CHST9: variants seen among roughly 807,000 people sequenced by gnomAD.
CHST9 encodes the protein GalNAc-4-sulfotransferase 2.
In CHST9, 41 loss-of-function variants were observed where a neutral mutation model predicts 44.4. The ratio of observed to expected loss-of-function variants is 0.92; its 90% CI spans 0.72 to 1.20. The LOEUF is 1.20. Among genes scored for constraint, CHST9 ranks in the 50% most tolerant of loss-of-function variants. The pLI is 0.00. For missense variants in CHST9, 504 were observed against 516.5 expected (o/e 0.98, Z 0.23); for synonymous variants, 171 against 178.4 (o/e 0.96, Z 0.33).
chr18:27,011,717 C>T (rs2057087515), intron 4 of CHST9, among the ~76,000 whole-genome samples: 2 of 152,238 alleles, frequency 1.3e-5, no homozygotes, highest in African/African-American at 4.8e-5. Context: ...TAACAAGGTT[C>T]CAAACTCTCA....
chr18:27,131,268 G>A (rs2143835980), intron 2 of CHST9, among the ~76,000 whole-genome samples: 1 of 152,306 alleles, frequency 6.6e-6, no homozygotes, highest in Non-Finnish European at 1.5e-5. Flanking sequence ...CTGAGTTCCT[G>A]GCCAAGCGTG....
intron 1 of CHST9, among the ~76,000 whole-genome samples, chr18:27,178,589 C>G (rs940934057): frequency 2.6e-5 from 4 of 151,900 alleles, no homozygotes; most frequent in Admixed American, 2.0e-4. Context: ...GATCCTACAC[C>G]CTCCTGTATG....
intron 5 of CHST9, among the ~76,000 whole-genome samples, chr18:26,937,772 G>A (rs1785537): frequency 6.6e-6 from 1 of 152,230 alleles, no homozygotes; most frequent in African/African-American, 2.4e-5. Flanking sequence ...GTAAAATTTA[G>A]CATAATGCCT....
At chr18:27,019,009 G>A (rs1422433611) in intron 4 of CHST9, among the ~76,000 whole-genome samples, 2 of 152,210 alleles carry the variant, frequency 1.3e-5, no homozygotes, top group African/African-American at 2.4e-5. Flanking sequence ...AGCAATGTGT[G>A]CCCCAGAAAA....
At position 26,916,697 on chromosome 18, in the gene CHST9, A is replaced by G. The variant is rs1457933932; in HGVS notation, c.894T>C (p.Asn298=). Residue 298 remains asparagine, a synonymous_variant, in exon 6 of 6, where the codon AAT becomes AAC. Transcript: ENST00000618847. ...TTCCGAATACTGGATGGTAATAACT[A>G]TTGGGGTGTTCAAATTTGTCCCTAA... is the stretch of plus-strand genomic sequence containing the variant. ...SAFRDKFEHP[N]SYYHPVFGKA... is the part of the protein sequence containing the mutation. 4 of 1,613,782 alleles carry G rather than the reference A, an allele frequency of 2.5e-6. No individual in the cohort carries two copies. The highest frequency in any genetic ancestry group is 3.4e-6 in the Non-Finnish European group (4 of 1,179,820).
chr18:27,041,693 C>T (rs2057446492), intron 3 of CHST9, among the ~76,000 whole-genome samples: 1 of 152,118 alleles, frequency 6.6e-6, no homozygotes, highest in African/African-American at 2.4e-5. Context: ...TTTGTCTAGT[C>T]TGCATACACA....
At chr18:26,982,099 G>A (rs960350532) in intron 4 of CHST9, among the ~76,000 whole-genome samples, 6 of 151,982 alleles carry the variant, frequency 3.9e-5, no homozygotes, top group South Asian at 4.2e-4. Context: ...AAAATCCTCC[G>A]CAGAGTAAAA....
rs187682515 is a variant in CHST9, at chr18:27,134,141, G to A, written c.121+8548C>T. The stretch of plus-strand genomic sequence containing the variant: ...CAGCAACATCGCAATCAGGATGAAC[G>A]GCCTGGTTTTTGAAGGAAAAGAACA... On this transcript the variant is annotated intron_variant, in intron 2 of 5. Coordinates refer to ENST00000618847, the MANE Select transcript of CHST9 (RefSeq NM_031422.6). Among the ~76,000 whole-genome samples, 8 of 152,172 alleles carry A rather than the reference G, an allele frequency of 5.3e-5. No individual in the cohort carries two copies. The East Asian group carries it at 1.5e-3, about 29-fold the overall frequency.
At chr18:27,101,701 T>C (rs1205287551) in intron 2 of CHST9, among the ~76,000 whole-genome samples, 4 of 152,214 alleles carry the variant, frequency 2.6e-5, no homozygotes, top group African/African-American at 9.6e-5. Context: ...CTCTCAGAAT[T>C]ACCAAGGGTT....
At chr18:27,182,993 C>T (rs1306581730) in intron 1 of CHST9, among the ~76,000 whole-genome samples, 1 of 151,982 alleles carries the variant, frequency 6.6e-6, no homozygotes, top group Non-Finnish European at 1.5e-5. Context: ...AGTCACAGGG[C>T]TTTTTAATGC....
intron 5 of CHST9, among the ~76,000 whole-genome samples, chr18:26,940,216 A>G (rs1244804012): frequency 6.8e-6 from 1 of 147,822 alleles, no homozygotes; most frequent in Non-Finnish European, 1.5e-5. Context: ...TTAAAACATG[A>G]GACTCAGAAA....
At chr18:27,132,991 A>C (rs1226046163) in intron 2 of CHST9, among the ~76,000 whole-genome samples, 1 of 152,214 alleles carries the variant, frequency 6.6e-6, no homozygotes, top group Non-Finnish European at 1.5e-5. Flanking sequence ...CCAGGTACTC[A>C]GCCTATATTC....
chr18:27,073,783 T>C (rs2057869185), intron 2 of CHST9, among the ~76,000 whole-genome samples: 1 of 152,154 alleles, frequency 6.6e-6, no homozygotes, highest in Non-Finnish European at 1.5e-5. Context: ...AGTACCTCTT[T>C]AAACAGTATT....
intron 4 of CHST9, among the ~76,000 whole-genome samples, chr18:26,983,433 T>G (rs1598614889): frequency 6.6e-6 from 1 of 152,254 alleles, no homozygotes; most frequent in Middle Eastern, 3.4e-3. Flanking sequence ...TGTGTGGTAT[T>G]TCGCCCCCAA....
In CHST9 at chr18:26,961,034, T is replaced by C. The variant is rs149507829; in HGVS notation, c.203-16668A>G. ...AACATCGATACATTCTTCACTCAGT[T>C]CTCCCAGCACTTCTGTGGGATAAGG... is the stretch of plus-strand genomic sequence containing the variant. On this transcript the variant is annotated intron_variant, in intron 4 of 5. Transcript: ENST00000618847. Among the ~76,000 whole-genome samples the C allele has an allele frequency of 5.5e-3, 830 of 152,288 alleles. 7 individuals carry two copies. Among genetic ancestry groups the C allele is most frequent in the African/African-American group, 0.019 (795 of 41,558 alleles).
At position 26,907,176 on chromosome 18, in the gene CHST9, G is replaced by A. The variant is rs985238242; in HGVS notation, c.*9083C>T. ...ACTTAGATATTAGCAGAATGGATGG[G>A]AGGAGAGGAGAAGCTTGAGAAAAAG... On this transcript the variant is annotated 3_prime_UTR_variant, in exon 6 of 6. Transcript: ENST00000618847. The A allele has an allele frequency of 3.9e-5, 6 of 152,586 alleles. No individual in the cohort carries two copies. Among genetic ancestry groups the A allele is most frequent in the African/African-American group, 1.2e-4 (5 of 41,452 alleles). 9.5% of individuals were successfully genotyped at this position (152,586 alleles called of 1,614,324 possible). A position where few individuals can be genotyped will look rare whatever the true frequency, so the allele number is the denominator to read the frequency against.
At chr18:26,975,280 T>G (rs1030103004) in intron 4 of CHST9, among the ~76,000 whole-genome samples, 7 of 152,148 alleles carry the variant, frequency 4.6e-5, no homozygotes, top group African/African-American at 1.7e-4. Context: ...TGACTTTCCT[T>G]TTTACTTGTA....
chr18:26,917,583 T>G (rs556280063), intron 5 of CHST9, among the ~76,000 whole-genome samples: 16 of 152,204 alleles, frequency 1.1e-4, no homozygotes, highest in African/African-American at 2.6e-4. Context: ...AGCCCTGGAT[T>G]TTTGTCCTGG....
At chr18:27,062,181 C>T (rs1226491866) in intron 2 of CHST9, among the ~76,000 whole-genome samples, 1 of 152,056 alleles carries the variant, frequency 6.6e-6, no homozygotes, top group Non-Finnish European at 1.5e-5. Context: ...TATTATTATA[C>T]TTTAAGTTCT....
Sources: allele counts gnomAD v4.1 joint callset (sites outside exome capture counted in the v4.1 genomes callset), GRCh38; gene constraint gnomAD v4.1.1; transcripts MANE v1.5; gene names NCBI Gene and HGNC (gene_info 2026-07-23, HGNC 2026-07-21).